The following ILRUN variants were observed in gnomAD, a reference collection of about 807,000 sequenced individuals.
The protein encoded by ILRUN is protein ILRUN.
Under a neutral mutation model 33.8 loss-of-function variants are expected in ILRUN, and 3 were observed. The ratio of observed to expected loss-of-function variants is 0.09; its 90% CI spans 0.04 to 0.23. The LOEUF is 0.23. Among genes scored for constraint, ILRUN ranks in the 10% least tolerant of loss-of-function variants. ILRUN has a pLI of 1.00. For missense variants in ILRUN, 210 were observed against 375.1 expected, an observed-to-expected ratio of 0.56 and a Z score of 3.64; for synonymous variants, 124 against 138.9, an observed-to-expected ratio of 0.89 and a Z score of 0.75.
chr6:34,682,797 G>A (rs1049815068), intron 1 of ILRUN, among the ~76,000 whole-genome samples: 1 of 151,816 alleles, frequency 6.6e-6, no homozygotes, highest in Non-Finnish European at 1.5e-5. Context: ...TTAAAATATC[G>A]ATCCTTTTGT....
intron 1 of ILRUN, among the ~76,000 whole-genome samples, chr6:34,690,097 A>T (rs1190220497): frequency 6.6e-6 from 1 of 152,112 alleles, no homozygotes; most frequent in Admixed American, 6.6e-5. Context: ...GAGTTATTTG[A>T]CTCTTGTTAC....
At chr6:34,648,401 C>T (rs1762599816) in intron 2 of ILRUN, among the ~76,000 whole-genome samples, 1 of 152,124 alleles carries the variant, frequency 6.6e-6, no homozygotes. Context: ...AGTTCTACTC[C>T]TGAGATCTCA....
At chr6:34,617,395 G>A (rs1761917787) in intron 3 of ILRUN, 5 of 286,354 alleles carry the variant, frequency 1.7e-5, no homozygotes, top group East Asian at 1.9e-4. Context: ...AGGCAGCAGT[G>A]TGTGCATACC....
At chr6:34,643,688 T>C (rs113380788) in intron 3 of ILRUN, among the ~76,000 whole-genome samples, 1,878 of 152,250 alleles carry the variant, frequency 0.012, 45 homozygotes, top group African/African-American at 0.04. Context: ...AGAAATAAAA[T>C]TTATATATCT....
At chr6:34,619,038 A>T (rs1761956226) in intron 3 of ILRUN, among the ~76,000 whole-genome samples, 1 of 152,178 alleles carries the variant, frequency 6.6e-6, no homozygotes. Flanking sequence ...GTAGCAACAC[A>T]AAGGTCACTG....
chr6:34,637,867 T>TGCTGCTGC (rs1344437933), intron 3 of ILRUN, among the ~76,000 whole-genome samples: 831 of 61,004 alleles, frequency 0.014, 6 homozygotes, highest in African/African-American at 0.058. Flanking sequence ...GCTGCTGCTG[T>TGCTGCTGC]TGTTGTTGTT....
intron 1 of ILRUN, 155 bp downstream of exon 1, chr6:34,696,291 G>T: frequency 1.3e-6 from 1 of 751,036 alleles, no homozygotes; most frequent in Non-Finnish European, 2.1e-6. Context: ...TACTCCCTAT[G>T]CCCACGGGGC....
chr6:34,601,709 C>CG (rs1020473339), intron 4 of ILRUN, among the ~76,000 whole-genome samples: 1,900 of 151,868 alleles, frequency 0.013, 16 homozygotes, highest in Middle Eastern at 0.024. Flanking sequence ...GTACCCGCCC[C>CG]CCCAACTACT....
intron 3 of ILRUN, among the ~76,000 whole-genome samples, chr6:34,625,603 A>G (rs1762108085): frequency 6.6e-6 from 1 of 152,156 alleles, no homozygotes; most frequent in African/African-American, 2.4e-5. Context: ...TCTCCAATCT[A>G]TCTCCCATTC....
intron 3 of ILRUN, among the ~76,000 whole-genome samples, chr6:34,637,203 T>G (rs1762381564): frequency 6.6e-6 from 1 of 152,224 alleles, no homozygotes; most frequent in East Asian, 1.9e-4. Context: ...AGTAAAACAC[T>G]TTAACTATAT....
chr6:34,646,497 C>A lies in ILRUN; in HGVS notation c.511+104G>T. On this transcript the variant is annotated intron_variant, in intron 3 of 4. Coordinates refer to ENST00000374023, the MANE Select transcript of ILRUN (RefSeq NM_024294.4). The surrounding 1 kb of genome is among the most constrained non-coding windows in gnomAD (Gnocchi z 4.9). ...GCATGAGGTGACTGTTAAAAAGAGG[C>A]CATGCCCTGTTATGCAATTTGACAG... is the stretch of plus-strand genomic sequence containing the variant. 1 of 1,059,974 alleles carries A rather than the reference C, an allele frequency of 9.4e-7. No individual in the cohort carries two copies. The highest frequency in any genetic ancestry group is 1.4e-6 in the Non-Finnish European group (1 of 722,570). The allele number at this position is 1,059,974 out of a possible 1,614,324, so 65.7% of individuals were successfully genotyped here. A position where few individuals can be genotyped will look rare whatever the true frequency, so the allele number is the denominator to read the frequency against.
At chr6:34,616,507 G>C in intron 3 of ILRUN, 2 of 900,192 alleles carry the variant, frequency 2.2e-6, no homozygotes. Context: ...CAGTGCAAAA[G>C]TCAGTATTAT....
chr6:34,637,864 C>CTGTTGTTGTTGTTGTTGTTGT (rs57559266), intron 3 of ILRUN, among the ~76,000 whole-genome samples: 13 of 142,020 alleles, frequency 9.2e-5, no homozygotes, highest in East Asian at 6.4e-4. Context: ...GCTGCTGCTG[C>CTGTTGTTGTTGTTGTTGTTGT]TGTTGTTGTT....
At chr6:34,680,319 C>T (rs2127383531) in intron 1 of ILRUN, among the ~76,000 whole-genome samples, 1 of 152,290 alleles carries the variant, frequency 6.6e-6, no homozygotes, top group Admixed American at 6.5e-5. Context: ...AAGTACAACA[C>T]ACACACAAAA....
intron 1 of ILRUN, among the ~76,000 whole-genome samples, chr6:34,662,521 A>G (rs1026755599): frequency 2.6e-5 from 4 of 152,212 alleles, no homozygotes; most frequent in African/African-American, 9.6e-5. Context: ...ACAAATAAAC[A>G]ATATATGATT....
At chr6:34,685,476 A>T (rs1198800444) in intron 1 of ILRUN, 1 of 152,158 alleles carries the variant, frequency 6.6e-6, no homozygotes, top group East Asian at 1.9e-4. Flanking sequence ...CTCCTTAGGC[A>T]ACCTGGTGGT....
chr6:34,625,440 G>T lies in ILRUN; in HGVS notation c.512-18536C>A, dbSNP rs562180851. Among the ~76,000 whole-genome samples the T allele has an allele frequency of 4.6e-5, 7 of 152,298 alleles. No individual in the cohort carries two copies. The East Asian group carries it at 1.4e-3, about 29-fold the overall frequency. On this transcript the variant is annotated intron_variant, in intron 3 of 4. Transcript: ENST00000374023. The stretch of plus-strand genomic sequence containing the variant: ...GGACATCTCAATCCTACAAAAGGCA[G>T]TCAAACCACTCGCCCACATCTGATG...
At chr6:34,670,982 C>T (rs1267081281) in intron 1 of ILRUN, among the ~76,000 whole-genome samples, 1 of 151,934 alleles carries the variant, frequency 6.6e-6, no homozygotes, top group Non-Finnish European at 1.5e-5. Context: ...GATTAAGTAA[C>T]AGATGAGCAC....
chr6:34,623,920 C>T (rs1485310494), intron 3 of ILRUN, among the ~76,000 whole-genome samples: 6 of 152,198 alleles, frequency 3.9e-5, no homozygotes, highest in Admixed American at 3.9e-4. Flanking sequence ...CAACCTCTGC[C>T]TCCTGGGTTC....
Sources: allele counts gnomAD v4.1 joint callset (sites outside exome capture counted in the v4.1 genomes callset), GRCh38; gene constraint gnomAD v4.1.1; non-coding constraint Gnocchi (gnomAD v3.1); transcripts MANE v1.5; gene names NCBI Gene and HGNC (gene_info 2026-07-23, HGNC 2026-07-21).